SNX29: variants seen among roughly 807,000 people sequenced by gnomAD.
SNX29 encodes sorting nexin-29.
SNX29 carries 78 observed loss-of-function variants against 102.1 expected under a neutral mutation model. The ratio of observed to expected loss-of-function variants is 0.76; its 90% CI spans 0.64 to 0.92. The LOEUF (loss-of-function observed/expected upper bound fraction) is 0.92, where lower values mean the gene tolerates loss of function less well. SNX29 is among the 40% of genes least tolerant of loss of function. The pLI, the probability that SNX29 is intolerant of heterozygous loss-of-function variation, is 0.00. For missense variants in SNX29, 1,280 were observed against 1,061.7 expected (o/e 1.21, Z -2.86); for synonymous variants, 580 against 414.5 (o/e 1.40, Z -4.85).
chr16:12,052,284 T>C, intron 8 of SNX29, 62 bp downstream of exon 8: 12 of 1,581,454 alleles, frequency 7.6e-6, no homozygotes, highest in Non-Finnish European at 1.0e-5. Flanking sequence ...TGGCGTGATC[T>C]CAGCTCACTG....
At chr16:12,401,188 A>G (rs2083926140) in intron 17 of SNX29, among the ~76,000 whole-genome samples, 1 of 152,088 alleles carries the variant, frequency 6.6e-6, no homozygotes. Context: ...AAGGGGTTAG[A>G]AGATTTGAAC....
chr16:12,167,866 A>T (rs914694771), intron 13 of SNX29, among the ~76,000 whole-genome samples: 7 of 152,136 alleles, frequency 4.6e-5, no homozygotes, highest in Non-Finnish European at 1.0e-4. Context: ...TTTGTTTAGG[A>T]ATGGTCCTTG....
At chr16:12,208,276 G>A (rs1408584439) in intron 14 of SNX29, among the ~76,000 whole-genome samples, 2 of 152,224 alleles carry the variant, frequency 1.3e-5, no homozygotes, top group East Asian at 1.9e-4. Context: ...CCCACTGCAA[G>A]TGGGGAGCAT....
At chr16:12,560,557 C>T (rs544623720) in intron 20 of SNX29, among the ~76,000 whole-genome samples, 5 of 152,292 alleles carry the variant, frequency 3.3e-5, no homozygotes, top group Admixed American at 6.5e-5. Flanking sequence ...AAACGTTGCT[C>T]AGTGTGATTC....
intron 1 of SNX29, among the ~76,000 whole-genome samples, chr16:11,993,098 G>A (rs112656676): frequency 0.068 from 10,376 of 152,080 alleles, 518 homozygotes; most frequent in Non-Finnish European, 0.11. Context: ...ATGGGAGGTG[G>A]AGGCCTTAGT....
intron 18 of SNX29, among the ~76,000 whole-genome samples, chr16:12,460,821 C>G (rs893854112): frequency 6.6e-6 from 1 of 152,126 alleles, no homozygotes; most frequent in South Asian, 2.1e-4. Flanking sequence ...CCACCATGCC[C>G]GGCTAATTTT....
rs1433781005 is a variant in SNX29 at position 12,570,287 on chromosome 16, T to C, written c.*1658T>C. ...GGAGGTGCGGACCCTGCAGTCAGTT[T>C]GCGAGTGTGGAGGACCCGAGACATC... On this transcript the variant is annotated 3_prime_UTR_variant, in exon 21 of 21. Coordinates refer to ENST00000566228, the MANE Select transcript of SNX29 (RefSeq NM_032167.5). 1 of 1,061,430 alleles carries C rather than the reference T, an allele frequency of 9.4e-7. No homozygotes were observed. The highest frequency in any genetic ancestry group is 5.0e-5 in the East Asian group (1 of 20,034). 65.8% of individuals were successfully genotyped at this position (1,061,430 alleles called of 1,614,324 possible). A position where few individuals can be genotyped will look rare whatever the true frequency, so the allele number is the denominator to read the frequency against.
At chr16:12,531,216 A>T (rs2076923490) in intron 20 of SNX29, among the ~76,000 whole-genome samples, 1 of 152,160 alleles carries the variant, frequency 6.6e-6, no homozygotes, top group Admixed American at 6.5e-5. Context: ...GGGAGCCCCA[A>T]GTCATCCCCT....
intron 20 of SNX29, chr16:12,560,935 G>C (rs1317867189): frequency 4.9e-6 from 1 of 205,930 alleles, no homozygotes; most frequent in African/African-American, 2.3e-5. Flanking sequence ...TCGTGGTGTT[G>C]GGATCCGGAG....
chr16:12,513,916 C>T (rs889853218), intron 19 of SNX29, among the ~76,000 whole-genome samples: 22 of 152,184 alleles, frequency 1.4e-4, no homozygotes, highest in African/African-American at 5.3e-4. Flanking sequence ...AGGAATTGCT[C>T]TCGTCAGCTT....
In SNX29 at chr16:12,398,502, G is replaced by A; in HGVS notation, c.1955+1G>A. ...ACCAGAGTTTGTCGGATTTTGAAAT[G>A]TAAGTCCACAGCCTGTGCTCACAAG... On this transcript the variant is annotated splice_donor_variant, in intron 17 of 20. Transcript: ENST00000566228. LOFTEE classifies it high-confidence loss of function. 1.2e-6 allele frequency: 2 copies of A among 1,613,998 alleles called. No homozygotes were observed. The highest frequency in any genetic ancestry group is 1.7e-6 in the Non-Finnish European group (2 of 1,179,880).
intron 1 of SNX29, among the ~76,000 whole-genome samples, chr16:11,985,361 C>T (rs574146788): frequency 2.6e-5 from 4 of 152,130 alleles, no homozygotes; most frequent in Non-Finnish European, 5.9e-5. Context: ...AGCCAGGGCT[C>T]TTTTCAGTGG....
intron 18 of SNX29, among the ~76,000 whole-genome samples, chr16:12,444,850 T>TTC (rs1310007842): frequency 1.3e-5 from 2 of 150,098 alleles, no homozygotes; most frequent in African/African-American, 4.9e-5. Flanking sequence ...TTGTTTTTTT[T>TTC]TTTTTTTGAG....
chr16:12,173,792 AT>A (rs778100784), intron 13 of SNX29, among the ~76,000 whole-genome samples: 5 of 151,900 alleles, frequency 3.3e-5, no homozygotes, highest in Non-Finnish European at 7.4e-5. Context: ...TCTGCTTCTT[AT>A]TTATTTATTT....
chr16:12,377,842 C>T (rs751860628), intron 16 of SNX29, among the ~76,000 whole-genome samples: 17 of 152,122 alleles, frequency 1.1e-4, no homozygotes, highest in Non-Finnish European at 2.4e-4. Context: ...AGAAGACTGC[C>T]ATGGTCTGTG....
chr16:12,206,482 C>T (rs974869034), intron 14 of SNX29, among the ~76,000 whole-genome samples: 1 of 151,640 alleles, frequency 6.6e-6, no homozygotes, highest in African/African-American at 2.4e-5. Flanking sequence ...TCTGCCAACA[C>T]GATGTCACTG....
chr16:12,070,829 C>T (rs182568450), intron 10 of SNX29, among the ~76,000 whole-genome samples: 2,019 of 152,068 alleles, frequency 0.013, 47 homozygotes, highest in African/African-American at 0.046. Context: ...CCACATCCAG[C>T]ACCTTTTGTT....
chr16:12,285,288 C>T (rs914943190), intron 15 of SNX29, among the ~76,000 whole-genome samples: 1 of 152,160 alleles, frequency 6.6e-6, no homozygotes, highest in Non-Finnish European at 1.5e-5. Context: ...TAGCTGTTTG[C>T]CCCACTTGTG....
Position 12,515,575 on chromosome 16 carries a change from C to T in SNX29, c.2179-9127C>T, listed in dbSNP as rs147655374. The T allele has an allele frequency of 4.1e-5, 20 of 491,680 alleles. 1 individual carries two copies. The East Asian group carries it at 8.1e-4, about 20-fold the overall frequency. 30.5% of individuals were successfully genotyped at this position (491,680 alleles called of 1,614,324 possible). On this transcript the variant is annotated intron_variant, in intron 19 of 20. Transcript: ENST00000566228. ...GCTGGCCTCTCTGCTTCCTGCATTG[C>T]CTCCTCTGAATCTTCAGGTGACCTC...
Sources: allele counts gnomAD v4.1 joint callset (sites outside exome capture counted in the v4.1 genomes callset), GRCh38; gene constraint gnomAD v4.1.1; transcripts MANE v1.5; gene names NCBI Gene and HGNC (gene_info 2026-07-23, HGNC 2026-07-21).